The following ARHGAP27 variants were observed in gnomAD, a reference collection of about 807,000 sequenced individuals.
ARHGAP27 encodes Rho GTPase activating protein 27.
In ARHGAP27, 53 loss-of-function variants were observed where a neutral mutation model predicts 102.0. That is an observed-to-expected ratio of 0.52 (90% CI 0.42 to 0.65). The LOEUF (loss-of-function observed/expected upper bound fraction) is 0.65, where lower values mean the gene tolerates loss of function less well. Ranked by LOEUF, ARHGAP27 falls within the 30% of genes least tolerant of loss-of-function variation. The probability of loss-of-function intolerance (pLI) is 0.00; values close to 1 mark genes in which losing one functional copy is unlikely to be tolerated. For missense variants in ARHGAP27, 1,117 were observed against 1,256.2 expected, an observed-to-expected ratio of 0.89 and a Z score of 1.68; for synonymous variants, 525 against 542.8, an observed-to-expected ratio of 0.97 and a Z score of 0.46.
At chr17:45,397,693 G>A (rs1386292382) in intron 13 of ARHGAP27, 2 of 393,146 alleles carry the variant, frequency 5.1e-6, no homozygotes, top group South Asian at 1.3e-4. Context: ...TCTGCCTCCC[G>A]TGAAATGGGA....
rs546290684 is a variant in ARHGAP27, at chr17:45,402,970, G to A, written c.1639-152C>T. ...AAGTGTTCCTGAACCCAGAGACCCT[G>A]ATGCTTCTTAACCATGGAGCCTGCT... On this transcript the variant is annotated intron_variant, in intron 11 of 19. Transcript: ENST00000685559. The A allele has an allele frequency of 5.5e-4, 388 of 709,984 alleles. 1 individual carries two copies. Among genetic ancestry groups the A allele is most frequent in the Admixed American group, 2.0e-3 (70 of 34,666 alleles). 44.0% of individuals were successfully genotyped at this position (709,984 alleles called of 1,614,324 possible).
At chr17:45,402,052 G>A (rs1186270871) in intron 12 of ARHGAP27, among the ~76,000 whole-genome samples, 3 of 152,200 alleles carry the variant, frequency 2.0e-5, no homozygotes, top group African/African-American at 7.2e-5. Context: ...TGTGGCATTG[G>A]GAGTACCCTT....
rs147281217 is a variant in ARHGAP27, at chr17:45,406,169, GGGGTTTATTTGTTTT to G, written c.658-101_658-87del. 2,090 of 1,370,860 alleles carry G rather than the reference GGGGTTTATTTGTTTT, an allele frequency of 1.5e-3. 22 individuals are homozygous for G. In the African/African-American group the frequency reaches 0.027, roughly 18 times the overall value. 84.9% of individuals were successfully genotyped at this position (1,370,860 alleles called of 1,614,324 possible). ...GTCCCCTCTGGGCAGTGCGATTATA[GGGGTTTATTTGTTTT>G]CGCTTTATTTTCTTTAAACTTTTCT... On this transcript the variant is annotated intron_variant, in intron 4 of 19. Transcript: ENST00000685559.
rs562034675 is a variant in ARHGAP27, at chr17:45,415,867, C to T, written c.658-9784G>A. 9.9e-5 allele frequency among the ~76,000 whole-genome samples: 15 copies of T among 152,138 alleles called. 1 individual carries two copies. The highest frequency in any genetic ancestry group is 6.2e-4 in the South Asian group (3 of 4,828). ...GCCAGATACAAGGCATGGACTTGGACGGGATCCTGAACCAAACAAACCAGC... is the reference window on the plus strand; with the variant it reads ...GCCAGATACAAGGCATGGACTTGGATGGGATCCTGAACCAAACAAACCAGC... On this transcript the variant is annotated intron_variant, in intron 4 of 19. Transcript: ENST00000685559.
In ARHGAP27 at chr17:45,396,964, G is replaced by A. The variant is rs751833468; in HGVS notation, c.1903C>T (p.Arg635Cys). The change falls in exon 14 of 20, where the codon CGC (arginine) becomes TGC (cysteine). Residue 635 changes from arginine to cysteine, a missense_variant. This residue lies in a region of ARHGAP27 where 493 missense variants were observed against 505.5 expected (regional missense o/e 0.98). Transcript: ENST00000685559. ...SSRVDFGSSE[R>C]LGSWQEKEED... ...TCTTTCTCCTGCCAGCTTCCCAAGC[G>A]CTCGCTCGACCCGAAGTCCACTCTG... The A allele has an allele frequency of 2.5e-6, 4 of 1,605,606 alleles. No homozygotes were observed. The highest frequency in any genetic ancestry group is 2.2e-5 in the East Asian group (1 of 44,888).
rs754199337 is a variant in ARHGAP27 at position 45,396,736 on chromosome 17, T to C, written c.2006A>G (p.His669Arg). The C allele has an allele frequency of 6.2e-7, 1 of 1,613,798 alleles. No homozygotes were observed. The highest frequency in any genetic ancestry group is 8.5e-7 in the Non-Finnish European group (1 of 1,179,780). Residue 669 changes from histidine (H) to arginine (R), a missense_variant, in exon 15 of 20, where the codon CAC becomes CGC. His to Arg is a conservative substitution (Grantham distance 29). Transcript: ENST00000685559. ...GLESDLSKVR[H>R]KLRKFLQRRP... ...CCTCTGGAGGAACTTGCGGAGCTTG[T>C]GCCGGACCTTGCTCAAGTCGCTCTC...
intron 4 of ARHGAP27, among the ~76,000 whole-genome samples, chr17:45,419,397 TTA>T (rs1234743741): frequency 1.3e-5 from 2 of 151,542 alleles, no homozygotes; most frequent in Admixed American, 6.6e-5. Flanking sequence ...CCTATATATT[TTA>T]TATATGTGTC....
At position 45,427,905 on chromosome 17, in the gene ARHGAP27, C is replaced by G. The variant is rs538856388; in HGVS notation, c.657+1718G>C. Among the ~76,000 whole-genome samples, 1 of 152,354 alleles carries G rather than the reference C, an allele frequency of 6.6e-6. No individual in the cohort carries two copies. The highest frequency in any genetic ancestry group is 2.4e-5 in the African/African-American group (1 of 41,580). On this transcript the variant is annotated intron_variant, in intron 4 of 19. Transcript: ENST00000685559. The surrounding 1 kb of genome is among the most constrained non-coding windows in gnomAD (Gnocchi z 4.5). ...AGGGGCCACCTGGCAGGCGCCCTGG[C>G]AGCCGGGGTGATCTGTCTTCTCAGG... is the stretch of plus-strand genomic sequence containing the variant.
intron 4 of ARHGAP27, 25 bp downstream of exon 4, chr17:45,429,598 C>CGCGCCCCA: frequency 6.4e-7 from 1 of 1,573,738 alleles, no homozygotes; most frequent in South Asian, 1.1e-5. Flanking sequence ...CACCCGCCTC[C>CGCGCCCCA]GCGCCCCAGC....
intron 12 of ARHGAP27, among the ~76,000 whole-genome samples, chr17:45,398,629 G>A (rs553751301): frequency 1.3e-5 from 2 of 152,044 alleles, no homozygotes; most frequent in South Asian, 4.2e-4. Context: ...AGCTACTTGG[G>A]AAGCTGAGGC....
chr17:45,431,575 A>G (rs1322477726), intron 3 of ARHGAP27, 46 bp downstream of exon 3: 2 of 178,162 alleles, frequency 1.1e-5, no homozygotes, highest in Non-Finnish European at 2.4e-5. Context: ...CCCAAGCAGG[A>G]CACTCCCCCG....
At chr17:45,407,255 C>T (rs2144595102) in intron 4 of ARHGAP27, among the ~76,000 whole-genome samples, 2 of 152,288 alleles carry the variant, frequency 1.3e-5, no homozygotes, top group African/African-American at 2.4e-5. Flanking sequence ...TTCCTCCAGG[C>T]CTAGGCTCAT....
chr17:45,396,247 G>A lies in ARHGAP27; in HGVS notation c.2211C>T (p.Asn737=), dbSNP rs777568132. Residue 737 remains asparagine (N), a synonymous_variant, in exon 17 of 20, where the codon AAC becomes AAT. Coordinates refer to ENST00000685559, the MANE Select transcript of ARHGAP27 (RefSeq NM_001282290.2). The part of the protein sequence containing the change: ...DIDGLYRISG[N]LATIQKLRYK... ...AGCGTAGCTTCTGGATGGTGGCCAG[G>A]TTTCCACTGATGCGGTACAGCCCGT... 2.5e-6 allele frequency: 4 copies of A among 1,613,602 alleles called. No homozygotes were observed. In the South Asian group the frequency reaches 3.3e-5, roughly 13 times the overall value.
chr17:45,419,394 A>G (rs2048791086), intron 4 of ARHGAP27, among the ~76,000 whole-genome samples: 1 of 151,586 alleles, frequency 6.6e-6, no homozygotes, highest in African/African-American at 2.4e-5. Context: ...AAGCCTATAT[A>G]TTTTATATAT....
chr17:45,429,709 G>A lies in ARHGAP27; in HGVS notation c.571C>T (p.Arg191Trp). 1.9e-6 allele frequency: 3 copies of A among 1,553,084 alleles called. No homozygotes were observed. The highest frequency in any genetic ancestry group is 2.6e-6 in the Non-Finnish European group (3 of 1,149,094). Residue 191 changes from arginine (R) to tryptophan (W), a missense_variant, in exon 4 of 20, where the codon CGG becomes TGG. By Grantham distance (101) the Arg-to-Trp change is moderately radical. This residue lies in a region of ARHGAP27 where 610 missense variants were observed against 716.4 expected (regional missense o/e 0.85). Transcript: ENST00000685559. ...TCTGAGTCGCTGCGCGCCAGAGGCCGCGGGCACACCCAGGAGCCCGCCACG... is the reference window on the plus strand; with the variant it reads ...TCTGAGTCGCTGCGCGCCAGAGGCCACGGGCACACCCAGGAGCCCGCCACG... ...CSVAGSWVCP[R>W]PLARSDSENV...
chr17:45,424,326 T>A (rs1182158752), intron 4 of ARHGAP27, among the ~76,000 whole-genome samples: 1 of 152,226 alleles, frequency 6.6e-6, no homozygotes, highest in African/African-American at 2.4e-5. Context: ...AGAGCCCTAG[T>A]CCTGGCAGCC....
chr17:45,431,144 C>A (rs1027931161), intron 3 of ARHGAP27, among the ~76,000 whole-genome samples: 5 of 152,052 alleles, frequency 3.3e-5, no homozygotes, highest in Admixed American at 3.3e-4. Flanking sequence ...GGAGAATGCA[C>A]TCTGAGACAG....
At chr17:45,396,834 G>A (rs1422904421) in intron 14 of ARHGAP27, 44 bp from the exon 15 acceptor site, 2 of 1,606,282 alleles carry the variant, frequency 1.2e-6, no homozygotes, top group Middle Eastern at 1.6e-4. Flanking sequence ...GCAGCGCCAG[G>A]GCAGGCCAGG....
intron 12 of ARHGAP27, among the ~76,000 whole-genome samples, 161 bp downstream of exon 12, chr17:45,402,553 G>A (rs1379420562): frequency 6.6e-6 from 1 of 152,098 alleles, no homozygotes. Flanking sequence ...TCTGGCTCTG[G>A]GTTCCTACCT....
Sources: allele counts gnomAD v4.1 joint callset (sites outside exome capture counted in the v4.1 genomes callset), GRCh38; gene constraint gnomAD v4.1.1; regional missense constraint gnomAD v4.1.1; non-coding constraint Gnocchi (gnomAD v3.1); transcripts MANE v1.5; gene names NCBI Gene and HGNC (gene_info 2026-07-23, HGNC 2026-07-21).